The following SRCAP variants were observed in gnomAD, a reference collection of about 807,000 sequenced individuals.
SRCAP encodes Snf2 related CREBBP activator protein.
A neutral mutation model predicts 263.1 loss-of-function variants in SRCAP; 46 were observed. That is an observed-to-expected ratio of 0.17 (90% CI 0.14 to 0.22). The LOEUF (loss-of-function observed/expected upper bound fraction) is 0.22, where lower values mean the gene tolerates loss of function less well. SRCAP is among the 10% of genes least tolerant of loss of function. The probability of loss-of-function intolerance (pLI) is 1.00; values close to 1 mark genes in which losing one functional copy is unlikely to be tolerated. For synonymous variants in SRCAP, 1,813 were observed against 1,662.1 expected (o/e 1.09, Z -2.21); for missense variants, 3,695 against 4,181.9 (o/e 0.88, Z 3.21).
At position 30,723,126 on chromosome 16, in the gene SRCAP, G is replaced by A. The variant is rs770414698; in HGVS notation, c.4056G>A (p.Arg1352=). 6.2e-7 allele frequency: 1 copy of A among 1,614,004 alleles called. No homozygotes were observed. The highest frequency in any genetic ancestry group is 8.5e-7 in the Non-Finnish European group (1 of 1,179,994). ...LNPRPTLTPG[R]LPTPTLGTAR... ...CACGCCCCACGTTAACCCCTGGCCGGCTACCCACACCTACTCTGGGTACTG... is the reference window on the plus strand; with the variant it reads ...CACGCCCCACGTTAACCCCTGGCCGACTACCCACACCTACTCTGGGTACTG... Residue 1352 remains arginine, a synonymous_variant, in exon 24 of 34, where the codon CGG becomes CGA. Coordinates refer to ENST00000262518, the MANE Select transcript of SRCAP (RefSeq NM_006662.3).
At chr16:30,701,587 C>T (rs1344835259) in intron 3 of SRCAP, among the ~76,000 whole-genome samples, 1 of 151,678 alleles carries the variant, frequency 6.6e-6, no homozygotes, top group East Asian at 1.9e-4. Flanking sequence ...TTGTGAATTC[C>T]CTGAGTATCC....
chr16:30,718,628 C>A (rs1037021746), intron 18 of SRCAP, among the ~76,000 whole-genome samples: 1 of 151,978 alleles, frequency 6.6e-6, no homozygotes, highest in Non-Finnish European at 1.5e-5. Flanking sequence ...TGTGCCACCA[C>A]TCCCAGCTAA....
chr16:30,719,223 T>A (rs200954373), intron 18 of SRCAP, among the ~76,000 whole-genome samples: 1 of 214 alleles, frequency 4.7e-3, no homozygotes, highest in African/African-American at 5.7e-3. Flanking sequence ...TTTATTTTTA[T>A]TTTTTTTTTT....
rs141977752 is a variant in SRCAP, at chr16:30,724,681, C to A, written c.5257C>A (p.Pro1753Thr). 16 of 1,614,044 alleles carry A rather than the reference C, an allele frequency of 9.9e-6. No individual in the cohort carries two copies. The highest frequency in any genetic ancestry group is 1.3e-5 in the Non-Finnish European group (15 of 1,180,024). ...TQTLSLAPAP[P>T]LAPASPVGPA... ...GACGCTGTCTCTGGCTCCAGCACCCCCTCTGGCTCCAGCTTCTCCAGTGGG... is the reference window on the plus strand; with the variant it reads ...GACGCTGTCTCTGGCTCCAGCACCCACTCTGGCTCCAGCTTCTCCAGTGGG... The change falls in exon 25 of 34, where the codon CCT (proline) becomes ACT (threonine). Residue 1753 changes from proline to threonine, a missense_variant. By Grantham distance (38) the Pro-to-Thr change is conservative (BLOSUM62 -1). This residue lies in a region of SRCAP where 1,347 missense variants were observed against 1,304.4 expected (regional missense o/e 1.03). Coordinates refer to ENST00000262518, the MANE Select transcript of SRCAP (RefSeq NM_006662.3).
intron 13 of SRCAP, 44 bp downstream of exon 13, chr16:30,712,483 C>A: frequency 1.3e-6 from 2 of 1,535,486 alleles, no homozygotes; most frequent in South Asian, 2.6e-5. Context: ...TAGTCTAGCT[C>A]CCTGGGAGCT....
intron 31 of SRCAP, 142 bp from the exon 32 acceptor site, chr16:30,736,058 T>G (rs1297761019): frequency 2.3e-6 from 2 of 871,568 alleles, no homozygotes; most frequent in African/African-American, 3.4e-5. Flanking sequence ...TTGTGGTAAC[T>G]CTGGAGGCCT....
chr16:30,739,305 G>A lies in SRCAP; in HGVS notation c.9265G>A (p.Val3089Ile), dbSNP rs1017553502. The change falls in exon 34 of 34, where the codon GTA (valine) becomes ATA (isoleucine). Residue 3089 changes from valine (V) to isoleucine (I), a missense_variant. By Grantham distance (29) the Val-to-Ile change is conservative (BLOSUM62 3). Coordinates refer to ENST00000262518, the MANE Select transcript of SRCAP (RefSeq NM_006662.3). ...RKSGGSMVVA[V>I]IQDDLDLADS... ...GAGTGGAGGGTCCATGGTGGTGGCT[G>A]TAATTCAGGATGACCTGGACTTAGC... 1 of 1,614,178 alleles carries A rather than the reference G, an allele frequency of 6.2e-7. No homozygotes were observed. The highest frequency in any genetic ancestry group is 1.3e-5 in the African/African-American group (1 of 75,060).
At chr16:30,719,580 C>G (rs1213022657) in intron 18 of SRCAP, among the ~76,000 whole-genome samples, 1 of 151,860 alleles carries the variant, frequency 6.6e-6, no homozygotes, top group African/African-American at 2.4e-5. Flanking sequence ...TTGGCATGAT[C>G]ATAGCTGACT....
intron 13 of SRCAP, 68 bp downstream of exon 13, chr16:30,712,507 C>G: frequency 6.6e-7 from 1 of 1,523,160 alleles, no homozygotes; most frequent in South Asian, 1.3e-5. Context: ...TCAGTGATGA[C>G]TCCAGCTTCA....
chr16:30,720,073 A>G (rs2052995235), intron 18 of SRCAP, 89 bp from the exon 19 acceptor site: 2 of 1,430,382 alleles, frequency 1.4e-6, no homozygotes, highest in Non-Finnish European at 9.6e-7. Context: ...GTGTTAATTC[A>G]CTTAAGGATA....
At chr16:30,726,807 T>C (rs1596658791) in intron 25 of SRCAP, among the ~76,000 whole-genome samples, 1 of 152,274 alleles carries the variant, frequency 6.6e-6, no homozygotes, top group East Asian at 1.9e-4. Flanking sequence ...CTCAAACGAT[T>C]TTCCTGTGTC....
chr16:30,710,781 C>CAA lies in SRCAP; in HGVS notation c.1163_1164insAA (p.Arg389SerfsTer30). On this transcript the variant is annotated frameshift_variant, in exon 9 of 34. Transcript: ENST00000262518. LOFTEE classifies it high-confidence loss of function. ...AAAGCCCCCACCCTCTGCTGTCACA[C>CAA]AGCGCAACAAACAGCCTTGGCATCC... The CAA allele has an allele frequency of 6.2e-7, 1 of 1,614,214 alleles. No individual in the cohort carries two copies. The highest frequency in any genetic ancestry group is 8.5e-7 in the Non-Finnish European group (1 of 1,180,038).
At chr16:30,707,916 T>G (rs1240589434) in intron 6 of SRCAP, among the ~76,000 whole-genome samples, 3 of 152,262 alleles carry the variant, frequency 2.0e-5, no homozygotes. Context: ...TTGACACCTC[T>G]AGGCCATCTG....
chr16:30,719,215 T>TATTG, intron 18 of SRCAP, among the ~76,000 whole-genome samples: 1 of 33,906 alleles, frequency 2.9e-5, no homozygotes, highest in Non-Finnish European at 6.1e-5. Context: ...TTTATTTATT[T>TATTG]ATTTTTATTT....
At position 30,723,189 on chromosome 16, in the gene SRCAP, T is replaced by C. The variant is rs755835433; in HGVS notation, c.4119T>C (p.Pro1373=). Residue 1373 remains proline (P), a synonymous_variant, in exon 24 of 34, where the codon CCT becomes CCC. Transcript: ENST00000262518. The stretch of plus-strand genomic sequence containing the variant: ...TGCCCACACCCACTCTGGTGAGGCC[T>C]CTTCTCAAGCTGGTCCACAGTCCTT... ...APMPTPTLVR[P]LLKLVHSPSP... The C allele has an allele frequency of 1.9e-6, 3 of 1,613,884 alleles. No homozygotes were observed. The highest frequency in any genetic ancestry group is 2.5e-6 in the Non-Finnish European group (3 of 1,179,848).
intron 4 of SRCAP, among the ~76,000 whole-genome samples, chr16:30,706,897 T>C (rs1271861098): frequency 6.6e-6 from 1 of 152,130 alleles, no homozygotes; most frequent in Non-Finnish European, 1.5e-5. Flanking sequence ...AGCATGAAAT[T>C]TGCTGTCTGG....
In SRCAP at chr16:30,737,371, G is replaced by T. The variant is rs146290947; in HGVS notation, c.7331G>T (p.Arg2444Leu). ...ERVPRPAPRP[R>L]PTPASAPAAI... ...GTTCCCAGGCCAGCACCTAGGCCTCGACCCACTCCAGCTTCAGCTCCGGCT... is the reference window on the plus strand; with the variant it reads ...GTTCCCAGGCCAGCACCTAGGCCTCTACCCACTCCAGCTTCAGCTCCGGCT... Residue 2444 changes from arginine (R) to leucine (L), a missense_variant, in exon 34 of 34, where the codon CGA becomes CTA. Arg to Leu is a moderately radical substitution (Grantham distance 102). This residue lies in a region of SRCAP where 1,207 missense variants were observed against 1,142.9 expected (regional missense o/e 1.06). Coordinates refer to ENST00000262518, the MANE Select transcript of SRCAP (RefSeq NM_006662.3). The T allele has an allele frequency of 1.2e-6, 2 of 1,613,390 alleles. No homozygotes were observed. Among genetic ancestry groups the T allele is most frequent in the Admixed American group, 1.7e-5 (1 of 59,936 alleles).
chr16:30,716,597 C>T, intron 18 of SRCAP, 118 bp downstream of exon 18: 1 of 909,822 alleles, frequency 1.1e-6, no homozygotes, highest in South Asian at 1.7e-5. Context: ...CTATCATTCC[C>T]TTAGTTTTAT....
intron 21 of SRCAP, among the ~76,000 whole-genome samples, 197 bp downstream of exon 21, chr16:30,721,673 T>A (rs2053013113): frequency 6.6e-6 from 1 of 152,186 alleles, no homozygotes; most frequent in South Asian, 2.1e-4. Context: ...GCCACTGCAA[T>A]CATGAGCAAG....
Sources: gnomAD v4.1 joint callset for allele counts (sites outside exome capture counted in the v4.1 genomes callset) on GRCh38, gnomAD v4.1.1 for gene constraint, gnomAD v4.1.1 regional missense constraint, MANE v1.5 for transcripts, NCBI Gene and HGNC (gene_info 2026-07-23, HGNC 2026-07-21) for gene names.